The following PDHA1 variants were observed in gnomAD, a reference collection of about 807,000 sequenced individuals.
PDHA1 encodes pyruvate dehydrogenase E1 subunit alpha 1, also known as pyruvate dehydrogenase E1 component subunit alpha, somatic form, mitochondrial.
PDHA1 carries 1 observed loss-of-function variant against 33.0 expected under a neutral mutation model. The ratio of observed to expected loss-of-function variants is 0.03; its 90% CI spans 0.01 to 0.14. The LOEUF (loss-of-function observed/expected upper bound fraction) is 0.14. Among genes scored for constraint, PDHA1 ranks in the 10% least tolerant of loss-of-function variants. The probability of loss-of-function intolerance (pLI) is 1.00; values close to 1 mark genes in which losing one functional copy is unlikely to be tolerated. For synonymous variants in PDHA1, 123 were observed against 119.2 expected (o/e 1.03, Z -0.21); for missense variants, 168 against 325.1 (o/e 0.52, Z 3.72).
chrX:19,352,592 G>T (rs1401280301), intron 4 of PDHA1, among the ~76,000 whole-genome samples: 1 of 112,351 alleles, frequency 8.9e-6, no homozygotes, highest in Non-Finnish European at 1.9e-5. Flanking sequence ...TTGGTTCTAG[G>T]ACCCTCGAGT....
intron 2 of PDHA1, among the ~76,000 whole-genome samples, 198 bp downstream of exon 2, chrX:19,349,569 G>C (rs1022464645): frequency 8.9e-6 from 1 of 111,829 alleles, no homozygotes; most frequent in South Asian, 3.7e-4. Flanking sequence ...TGGGGGGAAG[G>C]GGGAGGAGCT....
At chrX:19,348,940 C>T (rs750024227) in intron 1 of PDHA1, among the ~76,000 whole-genome samples, 40 of 112,199 alleles carry the variant, frequency 3.6e-4, no homozygotes, top group African/African-American at 4.8e-4. Flanking sequence ...AGCAAAACTC[C>T]GTCTCAAAAC....
At chrX:19,354,679 G>A in intron 6 of PDHA1, 96 bp downstream of exon 6, 1 of 615,791 alleles carries the variant, frequency 1.6e-6, no homozygotes, top group African/African-American at 2.2e-5. Context: ...TTGCTTATTA[G>A]GTGAAATAGC....
At chrX:19,350,939 T>C (rs1167753484) in intron 3 of PDHA1, among the ~76,000 whole-genome samples, 2 of 111,773 alleles carry the variant, frequency 1.8e-5, no homozygotes, top group East Asian at 5.6e-4. Context: ...GTTGGTGCCA[T>C]GTGGAAATCA....
At chrX:19,357,800 T>C (rs1474729126) in intron 9 of PDHA1, 81 bp downstream of exon 9, 1 of 780,293 alleles carries the variant, frequency 1.3e-6, no homozygotes, top group East Asian at 3.2e-5. Flanking sequence ...TTTCAGTATT[T>C]GCTTTTGGAG....
At chrX:19,346,449 G>A (rs2063134487) in intron 1 of PDHA1, 1 of 373,420 alleles carries the variant, frequency 2.7e-6, no homozygotes, top group Admixed American at 3.6e-5. Context: ...CTGAGTAGCT[G>A]GGAACACAGG....
intron 4 of PDHA1, among the ~76,000 whole-genome samples, chrX:19,352,016 C>G (rs2063166536): frequency 9.1e-6 from 1 of 109,542 alleles, no homozygotes; most frequent in Non-Finnish European, 1.9e-5. Context: ...CCAGGCTGGT[C>G]TCCAACTCCT....
intron 9 of PDHA1, 67 bp from the exon 10 acceptor site, chrX:19,358,849 C>T (rs180879762): frequency 1.1e-5 from 7 of 628,246 alleles, no homozygotes; most frequent in Non-Finnish European, 1.9e-5. Flanking sequence ...TATCATGTTT[C>T]ATCACGCCGT....
chrX:19,353,007 C>A, intron 4 of PDHA1, 75 bp from the exon 5 acceptor site: 1 of 795,723 alleles, frequency 1.3e-6, no homozygotes, highest in Non-Finnish European at 1.9e-6. Flanking sequence ...CCTCAGAGTA[C>A]ATATTTGGGG....
In PDHA1 at chrX:19,360,575, T is replaced by TAACA. The variant is rs757815346; in HGVS notation, c.*923_*926dup. On this transcript the variant is annotated 3_prime_UTR_variant, in exon 11 of 11. Transcript: ENST00000422285. Reference sequence around the variant, plus strand: ...ATACACACAGTTCTATGTTTATAAATAACAGGTTTCAAAAGAAACTCAGGA... The same window carrying TAACA: ...ATACACACAGTTCTATGTTTATAAATAACAAACAGGTTTCAAAAGAAACTCAGGA... 15 of 411,351 alleles carry TAACA rather than the reference T, an allele frequency of 3.6e-5. No individual in the cohort carries two copies. The highest frequency in any genetic ancestry group is 5.5e-5 in the Non-Finnish European group (13 of 238,007). The allele number at this position is 411,351 out of a possible 1,213,427, so 33.9% of individuals were successfully genotyped here.
In PDHA1 at chrX:19,354,568, TG is replaced by T; in HGVS notation, c.590del (p.Gly197ValfsTer56). Reference protein sequence around the residue: ...DEVCLTLYGDGAANQGQIFEA... With the variant: ...DEVCLTLYGDXAANQGQIFEA... ...AGGTCTGCCTGACTTTATATGGCGA[TG>T]GTGCTGCTAACCAGGTAATTATGTC... is the stretch of plus-strand genomic sequence containing the variant. On this transcript the variant is annotated frameshift_variant, in exon 6 of 11. Coordinates refer to ENST00000422285, the MANE Select transcript of PDHA1 (RefSeq NM_000284.4). LOFTEE classifies it high-confidence loss of function. The T allele has an allele frequency of 8.6e-7, 1 of 1,156,344 alleles. No homozygotes were observed.
intron 1 of PDHA1, chrX:19,345,745 T>TCCCCCCC (rs745880160): frequency 2.2e-4 from 45 of 204,975 alleles, no homozygotes; most frequent in African/African-American, 1.9e-3. Flanking sequence ...GTTTGCAGGG[T>TCCCCCCC]CCCCCCCCCC....
intron 1 of PDHA1, chrX:19,346,379 C>A: frequency 3.3e-6 from 1 of 304,731 alleles, no homozygotes. Flanking sequence ...AGTGCAGTAG[C>A]AGGACAGCTC....
In PDHA1 at chrX:19,355,674, G is replaced by A; in HGVS notation, c.760-12G>A. 1 of 1,200,662 alleles carries A rather than the reference G, an allele frequency of 8.3e-7. No homozygotes were observed. On this transcript the variant is annotated splice_polypyrimidine_tract_variant and intron_variant, in intron 7 of 10. Coordinates refer to ENST00000422285, the MANE Select transcript of PDHA1 (RefSeq NM_000284.4). ...TGGATTCATGCTTCGCCCCTCCCCT[G>A]TTTATTACCAGGTGGATGGAATGGA...
In PDHA1 at chrX:19,345,781, T is replaced by C. The variant is rs754571598; in HGVS notation, c.57+1687T>C. On this transcript the variant is annotated intron_variant, in intron 1 of 10. Transcript: ENST00000422285. The stretch of plus-strand genomic sequence containing the variant: ...CCGCCACCTTACAGTAGGAAGAAAA[T>C]TGAGTTCCAGATATGAAGTCACCTT... The C allele has an allele frequency of 8.7e-5, 24 of 277,050 alleles. No individual in the cohort carries two copies. The African/African-American group carries it at 8.9e-4, about 10-fold the overall frequency. The allele number at this position is 277,050 out of a possible 1,213,427, so 22.8% of individuals were successfully genotyped here.
chrX:19,358,808 TATTTCACCTC>T (rs1381769399), intron 9 of PDHA1, 98 bp from the exon 10 acceptor site: 4 of 540,487 alleles, frequency 7.4e-6, no homozygotes, highest in Admixed American at 7.4e-5. Context: ...CACACTTCTG[TATTTCACCTC>T]ATTGGGACAA....
intron 3 of PDHA1, 132 bp from the exon 4 acceptor site, chrX:19,351,149 G>T (rs752883019): frequency 3.3e-5 from 22 of 667,496 alleles, no homozygotes; most frequent in Non-Finnish European, 4.2e-5. Flanking sequence ...GTATTTTGGT[G>T]GAAAATAGCT....
rs1569196438 is a variant in PDHA1 at position 19,361,321 on chromosome X, C to CTT, written c.*1669_*1670insTT. 1 of 1,169,461 alleles carries CTT rather than the reference C, an allele frequency of 8.6e-7. No homozygotes were observed. Among genetic ancestry groups the CTT allele is most frequent in the Admixed American group, 2.3e-5 (1 of 44,326 alleles). On this transcript the variant is annotated 3_prime_UTR_variant, in exon 11 of 11. Transcript: ENST00000422285. ...AAAAAGTTGTATTCTCTTATACAAA[C>CTT]TGTTTTGAGGCTCTTACCGTAGTCG... is the stretch of plus-strand genomic sequence containing the variant.
At chrX:19,345,462 C>T (rs1410490048) in intron 1 of PDHA1, among the ~76,000 whole-genome samples, 1 of 105,119 alleles carries the variant, frequency 9.5e-6, no homozygotes, top group Admixed American at 1.0e-4. Context: ...CCCAGCTACT[C>T]GGGAGGCTGA....
Sources: gnomAD v4.1 joint callset for allele counts (sites outside exome capture counted in the v4.1 genomes callset) on GRCh38, gnomAD v4.1.1 for gene constraint, MANE v1.5 for transcripts, NCBI Gene and HGNC (gene_info 2026-07-23, HGNC 2026-07-21) for gene names.